The following COG7 variants were observed in gnomAD, a reference collection of about 807,000 sequenced individuals.
COG7 encodes conserved oligomeric Golgi complex subunit 7.
Under a neutral mutation model 91.5 loss-of-function variants are expected in COG7, and 49 were observed. The ratio of observed to expected loss-of-function variants is 0.54; its 90% CI spans 0.43 to 0.68. COG7 has a LOEUF of 0.68. Ranked by LOEUF, COG7 falls within the 30% of genes least tolerant of loss-of-function variation. COG7 has a pLI of 0.00. For missense variants in COG7, 895 were observed against 961.3 expected (o/e 0.93, Z 0.91); for synonymous variants, 365 against 388.7 (o/e 0.94, Z 0.72).
chr16:23,406,684 G>A (rs1442365260), intron 11 of COG7, among the ~76,000 whole-genome samples: 1 of 152,196 alleles, frequency 6.6e-6, no homozygotes, highest in Non-Finnish European at 1.5e-5. Flanking sequence ...GATAGCAGCT[G>A]GCTGGCTCCT....
chr16:23,434,578 G>A, intron 5 of COG7, 58 bp downstream of exon 5: 1 of 1,257,832 alleles, frequency 8.0e-7, no homozygotes, highest in Non-Finnish European at 1.2e-6. Flanking sequence ...GCGATTCTGT[G>A]ACCCAGAGTT....
At position 23,433,525 on chromosome 16, in the gene COG7, G is replaced by A. The variant is rs757536033; in HGVS notation, c.810+20C>T. 16 of 1,613,684 alleles carry A rather than the reference G, an allele frequency of 9.9e-6. 1 individual carries two copies. Among genetic ancestry groups the A allele is most frequent in the Middle Eastern group, 1.7e-4 (1 of 6,058 alleles). On this transcript the variant is annotated intron_variant, in intron 6 of 16. Transcript: ENST00000307149. ...GTCACCACAGACTCTGTTCTCCCTA[G>A]AACAAAAATGAGCTGTTACCTGTGT...
At chr16:23,433,443 T>G in intron 6 of COG7, 102 bp downstream of exon 6, 1 of 1,471,936 alleles carries the variant, frequency 6.8e-7, no homozygotes, top group Non-Finnish European at 9.5e-7. Context: ...GGGAAGTTCT[T>G]TGAGCTGTGC....
rs762815001 is a variant in COG7, at chr16:23,433,599, T to C, written c.756A>G (p.Gly252=). ...SDLSLDRQLT[G]LYDALLGAWH... is the part of the protein sequence containing the mutation. ...AAGCACCAAGCAAGGCATCATAGAG[T>C]CCGGTAAGCTGCCGGTCCAGGGATA... is the stretch of plus-strand genomic sequence containing the variant. Residue 252 remains glycine, a synonymous_variant, in exon 6 of 17, where the codon GGA becomes GGG. Transcript: ENST00000307149. The C allele has an allele frequency of 1.9e-6, 3 of 1,613,728 alleles. No homozygotes were observed. Among genetic ancestry groups the C allele is most frequent in the Non-Finnish European group, 2.5e-6 (3 of 1,179,942 alleles).
intron 11 of COG7, among the ~76,000 whole-genome samples, chr16:23,409,092 T>TGC (rs1220643645): frequency 7.7e-5 from 9 of 116,476 alleles, no homozygotes; most frequent in African/African-American, 3.2e-4. Context: ...TGTGTGTGCG[T>TGC]GCATGTGTGT....
intron 4 of COG7, among the ~76,000 whole-genome samples, chr16:23,439,539 G>T (rs1472734928): frequency 6.6e-6 from 1 of 152,172 alleles, no homozygotes; most frequent in African/African-American, 2.4e-5. Context: ...CTTAAGAAAG[G>T]AAATTTTGAC....
At chr16:23,405,488 G>A (rs1356944387) in intron 12 of COG7, among the ~76,000 whole-genome samples, 1 of 151,434 alleles carries the variant, frequency 6.6e-6, no homozygotes, top group Non-Finnish European at 1.5e-5. Context: ...CCCCCTAGCC[G>A]CAGATCTAAA....
At chr16:23,429,496 C>T (rs922619929) in intron 6 of COG7, among the ~76,000 whole-genome samples, 7 of 152,050 alleles carry the variant, frequency 4.6e-5, no homozygotes, top group Admixed American at 3.3e-4. Flanking sequence ...GGTGCAGTGG[C>T]TCACGCTTGT....
chr16:23,441,447 C>T (rs557020263), intron 4 of COG7, among the ~76,000 whole-genome samples: 2 of 152,194 alleles, frequency 1.3e-5, no homozygotes, highest in African/African-American at 4.8e-5. Context: ...TGGTGGCGCA[C>T]GTCTGTAATC....
chr16:23,441,285 T>G (rs117254031), intron 4 of COG7, among the ~76,000 whole-genome samples: 2,841 of 152,224 alleles, frequency 0.019, 36 homozygotes, highest in Non-Finnish European at 0.029. Flanking sequence ...GTAAATAAAG[T>G]TTTACTTGGC....
At chr16:23,440,117 G>A (rs1220365452) in intron 4 of COG7, among the ~76,000 whole-genome samples, 3 of 151,506 alleles carry the variant, frequency 2.0e-5, no homozygotes, top group Non-Finnish European at 2.9e-5. Flanking sequence ...GGCTGGGCAC[G>A]GTGGCTCACG....
intron 7 of COG7, 101 bp downstream of exon 7, chr16:23,424,648 G>A: frequency 8.0e-7 from 1 of 1,243,984 alleles, no homozygotes; most frequent in Non-Finnish European, 1.2e-6. Context: ...TTCCATTTCT[G>A]TAAAATCAGT....
chr16:23,405,333 G>A (rs1054332872), intron 12 of COG7, among the ~76,000 whole-genome samples: 2 of 152,008 alleles, frequency 1.3e-5, no homozygotes, highest in South Asian at 4.2e-4. Flanking sequence ...ATCCTGGGTT[G>A]GGATCCTCTA....
Position 23,407,996 on chromosome 16 carries a change from C to T in COG7, c.1476-1734G>A, listed in dbSNP as rs1374684541. Among the ~76,000 whole-genome samples the T allele has an allele frequency of 6.1e-5, 9 of 148,106 alleles. No individual in the cohort carries two copies. In the East Asian group the frequency reaches 1.4e-3, roughly 23 times the overall value. On this transcript the variant is annotated intron_variant, in intron 11 of 16. Transcript: ENST00000307149. ...CATTAATTTCTAAGCTCTTTGAGGG[C>T]GAGGATTGAGTTTAATTAACTGATA...
chr16:23,432,042 AAGGCTCAGGCAGG>A (rs1963943555), intron 6 of COG7, among the ~76,000 whole-genome samples: 1 of 151,404 alleles, frequency 6.6e-6, no homozygotes, highest in Non-Finnish European at 1.5e-5. Context: ...AGCTACTTGA[AAGGCTCAGGCAGG>A]AGGACAGCTT....
intron 4 of COG7, among the ~76,000 whole-genome samples, chr16:23,440,248 G>C (rs1217545611): frequency 6.6e-6 from 1 of 152,022 alleles, no homozygotes; most frequent in Non-Finnish European, 1.5e-5. Flanking sequence ...AAATTAGCCA[G>C]GTGTGGTAGC....
intron 3 of COG7, among the ~76,000 whole-genome samples, chr16:23,443,842 C>A (rs1250865640): frequency 6.6e-6 from 1 of 151,932 alleles, no homozygotes; most frequent in Non-Finnish European, 1.5e-5. Flanking sequence ...GATAACAGGG[C>A]TTGTCCGCAC....
intron 4 of COG7, among the ~76,000 whole-genome samples, chr16:23,435,591 T>C (rs1016931847): frequency 6.6e-6 from 1 of 152,154 alleles, no homozygotes; most frequent in Admixed American, 6.6e-5. Context: ...CTGAATAGTG[T>C]GCACAGCAGC....
At chr16:23,403,341 G>T (rs755367743) in intron 13 of COG7, among the ~76,000 whole-genome samples, 1 of 152,224 alleles carries the variant, frequency 6.6e-6, no homozygotes, top group African/African-American at 2.4e-5. Flanking sequence ...GATTCGTGTG[G>T]TGTGAAAATA....
Sources: gnomAD v4.1 joint callset for allele counts (sites outside exome capture counted in the v4.1 genomes callset) on GRCh38, gnomAD v4.1.1 for gene constraint, MANE v1.5 for transcripts, NCBI Gene and HGNC (gene_info 2026-07-23, HGNC 2026-07-21) for gene names.